The following ADAMTS6 variants were observed in gnomAD, a reference collection of about 807,000 sequenced individuals.
The protein encoded by ADAMTS6 is ADAM metallopeptidase with thrombospondin type 1 motif 6, also known as A disintegrin and metalloproteinase with thrombospondin motifs 6.
ADAMTS6 carries 23 observed loss-of-function variants against 144.3 expected under a neutral mutation model. That is an observed-to-expected ratio of 0.16 (90% CI 0.11 to 0.23). The LOEUF is 0.23. Among genes scored for constraint, ADAMTS6 ranks in the 10% least tolerant of loss-of-function variants. The pLI, the probability that ADAMTS6 is intolerant of heterozygous loss-of-function variation, is 1.00. For synonymous variants in ADAMTS6, 444 were observed against 457.5 expected, an observed-to-expected ratio of 0.97 and a Z score of 0.38; for missense variants, 999 against 1,379.6, an observed-to-expected ratio of 0.72 and a Z score of 4.37.
intron 20 of ADAMTS6, among the ~76,000 whole-genome samples, chr5:65,200,733 T>A (rs1309520843): frequency 2.0e-5 from 3 of 152,162 alleles, no homozygotes; most frequent in Non-Finnish European, 4.4e-5. Context: ...GTTTTTTTAA[T>A]GCAATCCTTC....
chr5:65,478,314 G>C (rs547830963), intron 1 of ADAMTS6, among the ~76,000 whole-genome samples: 2 of 152,250 alleles, frequency 1.3e-5, no homozygotes, highest in Admixed American at 6.5e-5. Context: ...AGTTTCCAAA[G>C]TTCAGACTAA....
At chr5:65,375,085 C>T (rs1343255250) in intron 7 of ADAMTS6, among the ~76,000 whole-genome samples, 3 of 152,194 alleles carry the variant, frequency 2.0e-5, no homozygotes, top group Non-Finnish European at 4.4e-5. Flanking sequence ...GGATCCCTTC[C>T]TTACACCTTA....
chr5:65,471,123 A>G lies in ADAMTS6; in HGVS notation c.117T>C (p.Leu39=). ...YSSQEEFLTY[L]EHYQLTIPIR... ...TTGGAATAGTTAGCTGGTAGTGTTC[A>G]AGATAAGTCAGGAATTCCTCTTTGT... Residue 39 remains leucine, a synonymous_variant, in exon 3 of 25, where the codon CTT becomes CTC. Transcript: ENST00000381055. The G allele has an allele frequency of 6.3e-7, 1 of 1,597,140 alleles. No homozygotes were observed. The highest frequency in any genetic ancestry group is 8.5e-7 in the Non-Finnish European group (1 of 1,175,154).
At chr5:65,349,590 C>T (rs1482117416) in intron 7 of ADAMTS6, among the ~76,000 whole-genome samples, 1 of 152,076 alleles carries the variant, frequency 6.6e-6, no homozygotes, top group Non-Finnish European at 1.5e-5. Context: ...CATGGTGGCT[C>T]ACACTTGTAA....
At chr5:65,480,738 G>C (rs1465095793) in intron 1 of ADAMTS6, among the ~76,000 whole-genome samples, 1 of 152,108 alleles carries the variant, frequency 6.6e-6, no homozygotes, top group Non-Finnish European at 1.5e-5. Context: ...ACAAGGCTCC[G>C]GAGGGTTATG....
chr5:65,161,075 G>A (rs2111998950), intron 24 of ADAMTS6, among the ~76,000 whole-genome samples: 1 of 151,916 alleles, frequency 6.6e-6, no homozygotes, highest in Non-Finnish European at 1.5e-5. Flanking sequence ...GTCTCACTCT[G>A]TCACCCTGGC....
intron 7 of ADAMTS6, among the ~76,000 whole-genome samples, chr5:65,338,011 C>G (rs555133342): frequency 1.8e-4 from 27 of 152,294 alleles, no homozygotes; most frequent in African/African-American, 6.0e-4. Context: ...CTTACCAACC[C>G]ACAGGTGGCA....
chr5:65,334,000 A>T, intron 8 of ADAMTS6, 42 bp downstream of exon 8: 5 of 721,162 alleles, frequency 6.9e-6, no homozygotes, highest in East Asian at 5.9e-5. Flanking sequence ...CCTTTATTAA[A>T]AAAAAAAAAA....
intron 3 of ADAMTS6, 105 bp from the exon 4 acceptor site, chr5:65,460,443 G>A: frequency 3.9e-6 from 4 of 1,022,260 alleles, no homozygotes; most frequent in South Asian, 1.8e-5. Flanking sequence ...CCATTTACAG[G>A]GTTAAAACAC....
intron 9 of ADAMTS6, among the ~76,000 whole-genome samples, chr5:65,310,100 G>A (rs1744344297): frequency 6.6e-6 from 1 of 151,698 alleles, no homozygotes; most frequent in Non-Finnish European, 1.5e-5. Flanking sequence ...TTTTAAAAGT[G>A]TGTGGCACCT....
At chr5:65,241,409 T>G (rs1219288358) in intron 15 of ADAMTS6, among the ~76,000 whole-genome samples, 1 of 152,022 alleles carries the variant, frequency 6.6e-6, no homozygotes, top group Non-Finnish European at 1.5e-5. Flanking sequence ...TTTTGTATTT[T>G]TAGTAGAGAC....
intron 1 of ADAMTS6, among the ~76,000 whole-genome samples, chr5:65,476,905 G>A (rs967611024): frequency 6.6e-6 from 1 of 152,110 alleles, no homozygotes; most frequent in African/African-American, 2.4e-5. Flanking sequence ...GAGCCACTGC[G>A]CCCAGTCGAT....
chr5:65,178,327 G>T (rs749338529), intron 22 of ADAMTS6, among the ~76,000 whole-genome samples: 10 of 152,172 alleles, frequency 6.6e-5, no homozygotes, highest in Non-Finnish European at 1.5e-4. Context: ...GGAGTCCCAC[G>T]GGGAATACCA....
intron 7 of ADAMTS6, among the ~76,000 whole-genome samples, chr5:65,419,171 T>C (rs1245095903): frequency 6.6e-6 from 1 of 152,140 alleles, no homozygotes; most frequent in African/African-American, 2.4e-5. Context: ...GGGGACTGGA[T>C]AAAGAAAATG....
At chr5:65,305,503 A>T (rs1259379398) in intron 9 of ADAMTS6, among the ~76,000 whole-genome samples, 4 of 152,166 alleles carry the variant, frequency 2.6e-5, no homozygotes, top group Non-Finnish European at 5.9e-5. Flanking sequence ...ATAAATAGAG[A>T]GAAAAGAAAA....
rs1226892863 is a variant in ADAMTS6, at chr5:65,149,235, G to T, written c.*2601C>A. The stretch of plus-strand genomic sequence containing the variant: ...CTATGTAGCTCACTACTTTTGGAAG[G>T]TCTGCCATGGTGGCCCAGCCTCCAC... On this transcript the variant is annotated 3_prime_UTR_variant, in exon 25 of 25. Coordinates refer to ENST00000381055, the MANE Select transcript of ADAMTS6 (RefSeq NM_197941.4). 1.3e-5 allele frequency: 2 copies of T among 152,206 alleles called. No homozygotes were observed. Among genetic ancestry groups the T allele is most frequent in the African/African-American group, 4.8e-5 (2 of 41,442 alleles). The allele number at this position is 152,206 out of a possible 1,614,324, so 9.4% of individuals were successfully genotyped here.
At chr5:65,396,270 T>C (rs1274973513) in intron 7 of ADAMTS6, among the ~76,000 whole-genome samples, 3 of 152,220 alleles carry the variant, frequency 2.0e-5, no homozygotes, top group Non-Finnish European at 4.4e-5. Context: ...ACTCCTGTTT[T>C]TATGCATGCA....
chr5:65,473,666 A>G lies in ADAMTS6; in HGVS notation c.8T>C (p.Ile3Thr). ...AATCCAGGTCAACGTCTTCCACAAA[A>G]TTTCCATAATTTAGAAAACTGGATG... ME[I>T]LWKTLTWILS... The change falls in exon 2 of 25, where the codon ATT becomes ACT. Residue 3 changes from isoleucine to threonine, a missense_variant. By Grantham distance (89) the Ile-to-Thr change is moderately conservative. Coordinates refer to ENST00000381055, the MANE Select transcript of ADAMTS6 (RefSeq NM_197941.4). 6.2e-7 allele frequency: 1 copy of G among 1,613,602 alleles called. No homozygotes were observed. Among genetic ancestry groups the G allele is most frequent in the South Asian group, 1.1e-5 (1 of 91,046 alleles).
In ADAMTS6 at chr5:65,150,124, T is replaced by C. The variant is rs1251720897; in HGVS notation, c.*1712A>G. 1 of 152,362 alleles carries C rather than the reference T, an allele frequency of 6.6e-6. No homozygotes were observed. The highest frequency in any genetic ancestry group is 2.4e-5 in the African/African-American group (1 of 41,464). The allele number at this position is 152,362 out of a possible 1,614,324, so 9.4% of individuals were successfully genotyped here. A position where few individuals can be genotyped will look rare whatever the true frequency, so the allele number is the denominator to read the frequency against. On this transcript the variant is annotated 3_prime_UTR_variant, in exon 25 of 25. Coordinates refer to ENST00000381055, the MANE Select transcript of ADAMTS6 (RefSeq NM_197941.4). ...CCTAGTCATCTGCATTAGATCATGA[T>C]ATATGTGATGCACTGACATGTAATT...
Sources: gnomAD v4.1 joint callset for allele counts (sites outside exome capture counted in the v4.1 genomes callset) on GRCh38, gnomAD v4.1.1 for gene constraint, MANE v1.5 for transcripts, NCBI Gene and HGNC (gene_info 2026-07-23, HGNC 2026-07-21) for gene names.